The following MYBBP1A variants were observed in gnomAD, a reference collection of about 807,000 sequenced individuals.
MYBBP1A encodes the protein MYB binding protein 1a, also known as myb-binding protein 1A.
In MYBBP1A, 147 loss-of-function variants were observed where a neutral mutation model predicts 136.3. The observed-to-expected ratio is 1.08, with a 90% CI of 0.94 to 1.24. MYBBP1A has a LOEUF of 1.24. Ranked by LOEUF, MYBBP1A falls within the 50% of genes most tolerant of loss-of-function variation. MYBBP1A has a pLI of 0.00. For missense variants in MYBBP1A, 2,060 were observed against 1,727.4 expected (o/e 1.19, Z -3.41); for synonymous variants, 947 against 735.8 (o/e 1.29, Z -4.65).
At position 4,545,679 on chromosome 17, in the gene MYBBP1A, C is replaced by G. The variant is rs1309346947; in HGVS notation, c.2004G>C (p.Gln668His). The G allele has an allele frequency of 6.2e-7, 1 of 1,611,444 alleles. No homozygotes were observed. Among genetic ancestry groups the G allele is most frequent in the African/African-American group, 1.3e-5 (1 of 74,898 alleles). The change falls in exon 15 of 26, where the codon CAG becomes CAC. Residue 668 changes from glutamine to histidine, a missense_variant. Gln to His is a conservative substitution (Grantham distance 24). Coordinates refer to ENST00000254718, the MANE Select transcript of MYBBP1A (RefSeq NM_014520.4). ...LLAQPSHLMR[Q>H]VARSVFGHIC... ...TGTGGCCAAACACGCTCCGGGCCAC[C>G]TGGCGCATGAGGTGGCTGGGCTGGG... is the stretch of plus-strand genomic sequence containing the variant.
Position 4,539,096 on chromosome 17 carries a change from G to A in MYBBP1A, c.*319C>T, listed in dbSNP as rs1238770287. On this transcript the variant is annotated 3_prime_UTR_variant, in exon 26 of 26. Transcript: ENST00000254718. The stretch of plus-strand genomic sequence containing the variant: ...GGGCAAAGAGGTGGCAGGCACGAGA[G>A]ATGGTCACACCTGCCTGCAGCCAGC... 6.6e-7 allele frequency: 1 copy of A among 1,504,318 alleles called. No homozygotes were observed. The highest frequency in any genetic ancestry group is 1.9e-5 in the Admixed American group (1 of 53,870). The allele number at this position is 1,504,318 out of a possible 1,614,324, so 93.2% of individuals were successfully genotyped here. A position where few individuals can be genotyped will look rare whatever the true frequency, so the allele number is the denominator to read the frequency against.
rs1567600770 is a variant in MYBBP1A at position 4,539,328 on chromosome 17, TATTAAAATCATGG to T, written c.*74_*86del. The T allele has an allele frequency of 6.0e-6, 9 of 1,498,830 alleles. No homozygotes were observed. The Admixed American group carries it at 1.9e-4, about 31-fold the overall frequency. The allele number at this position is 1,498,830 out of a possible 1,614,324, so 92.8% of individuals were successfully genotyped here. On this transcript the variant is annotated 3_prime_UTR_variant, in exon 26 of 26. Coordinates refer to ENST00000254718, the MANE Select transcript of MYBBP1A (RefSeq NM_014520.4). ...GGCAGCGCCTTAGAAACAGCTTGCGTATTAAAATCATGGTTTAAAAAAAAAAAAAAAAAATAGG... is the reference window on the plus strand; with the variant it reads ...GGCAGCGCCTTAGAAACAGCTTGCGTTTTAAAAAAAAAAAAAAAAAATAGG...
chr17:4,554,131 G>A (rs1907796470), intron 3 of MYBBP1A, 38 bp from the exon 4 acceptor site: 9 of 1,613,532 alleles, frequency 5.6e-6, no homozygotes, highest in South Asian at 2.2e-5. Flanking sequence ...GAGGGGCCCT[G>A]GAACTCCCCA....
Position 4,549,940 on chromosome 17 carries a change from C to G in MYBBP1A, c.1319+118G>C, listed in dbSNP as rs962927658. 4 of 1,131,324 alleles carry G rather than the reference C, an allele frequency of 3.5e-6. No homozygotes were observed. In the African/African-American group the frequency reaches 4.7e-5, roughly 13 times the overall value. The allele number at this position is 1,131,324 out of a possible 1,614,324, so 70.1% of individuals were successfully genotyped here. On this transcript the variant is annotated intron_variant, in intron 9 of 25. Transcript: ENST00000254718. ...CATATGAGAGCTAAGGCTCTTCCCC[C>G]TCGCTCCTCTCATGGTTTAGAGCCA...
chr17:4,543,053 G>C lies in MYBBP1A; in HGVS notation c.2752C>G (p.Pro918Ala). ...VQQAGRQPDS[P>A]TALYHFNASL... ...GCGTTGAAGTGGTAGAGGGCGGTGGGGGAGTCGGGCTGGCGGCCAGCCTGC... is the reference window on the plus strand; with the variant it reads ...GCGTTGAAGTGGTAGAGGGCGGTGGCGGAGTCGGGCTGGCGGCCAGCCTGC... The change falls in exon 20 of 26, where the codon CCC becomes GCC. Residue 918 changes from proline to alanine, a missense_variant. Pro to Ala is a conservative substitution (Grantham distance 27, BLOSUM62 -1). Transcript: ENST00000254718. 1.9e-6 allele frequency: 3 copies of C among 1,613,532 alleles called. No homozygotes were observed. The highest frequency in any genetic ancestry group is 2.5e-6 in the Non-Finnish European group (3 of 1,179,948).
rs1332354204 is a variant in MYBBP1A at position 4,555,201 on chromosome 17, T to C, written c.124A>G (p.Ile42Val). The part of the protein sequence containing the change: ...SREFLDFFWD[I>V]AKPEQETRLA... Reference sequence around the variant, plus strand: ...CGCGTCTCCTGCTCAGGCTTCGCAATGTCCCAGAAGAAGTCCAAGAACTCG... The same window carrying C: ...CGCGTCTCCTGCTCAGGCTTCGCAACGTCCCAGAAGAAGTCCAAGAACTCG... Residue 42 changes from isoleucine (I) to valine (V), a missense_variant, in exon 1 of 26, where the codon ATT becomes GTT. By Grantham distance (29) the Ile-to-Val change is conservative. Transcript: ENST00000254718. 3 of 1,610,474 alleles carry C rather than the reference T, an allele frequency of 1.9e-6. No homozygotes were observed. Among genetic ancestry groups the C allele is most frequent in the African/African-American group, 2.7e-5 (2 of 74,914 alleles).
rs142989122 is a variant in MYBBP1A at position 4,540,465 on chromosome 17, G to A, written c.3317C>T (p.Thr1106Met). Residue 1106 changes from threonine to methionine, a missense_variant, in exon 25 of 26, where the codon ACG becomes ATG. Coordinates refer to ENST00000254718, the MANE Select transcript of MYBBP1A (RefSeq NM_014520.4). The stretch of plus-strand genomic sequence containing the variant: ...CCCCTGCAGCACACCCAGGAGCACC[G>A]TCAGGTCCAAGGTCAGCTTCTGCAG... ...CKHEKLTLDL[T>M]VLLGVLQGQQ... 4,029 of 1,610,076 alleles carry A rather than the reference G, an allele frequency of 2.5e-3. 12 individuals carry two copies. The highest frequency in any genetic ancestry group is 3.7e-3 in the Middle Eastern group (22 of 5,968).
Position 4,540,328 on chromosome 17 carries a change from G to T in MYBBP1A, c.3434+20C>A. The T allele has an allele frequency of 6.3e-7, 1 of 1,587,066 alleles. No homozygotes were observed. ...TTCCCAGCCCCTACCCAAGGTGTGT[G>T]TCCCCCTCCCAGAACCTACTGGACT... On this transcript the variant is annotated intron_variant, in intron 25 of 25. Transcript: ENST00000254718.
Position 4,548,788 on chromosome 17 carries a change from G to C in MYBBP1A, c.1431-139C>G. 3 of 1,202,116 alleles carry C rather than the reference G, an allele frequency of 2.5e-6. No individual in the cohort carries two copies. The highest frequency in any genetic ancestry group is 3.4e-6 in the Non-Finnish European group (3 of 871,184). 74.5% of individuals were successfully genotyped at this position (1,202,116 alleles called of 1,614,324 possible). ...TCTGCCCTGGGTACAGTCCTCGGGGGCCTGACGGGCAAGGCTGGAGGGGGC... is the reference window on the plus strand; with the variant it reads ...TCTGCCCTGGGTACAGTCCTCGGGGCCCTGACGGGCAAGGCTGGAGGGGGC... On this transcript the variant is annotated intron_variant, in intron 10 of 25. Transcript: ENST00000254718. This position sits in a 1 kb window ranked among gnomAD's most constrained non-coding sequence, Gnocchi z 4.2.
Position 4,548,147 on chromosome 17 carries a change from C to A in MYBBP1A, c.1720G>T (p.Asp574Tyr). ...PFTAQQRQAW[D>Y]RMLQTLKELE... Reference sequence around the variant, plus strand: ...CTGGAAATCCCACGTGCTCACCGGTCCCAGGCCTGGCGCTGCTGCGCAGTG... The same window carrying A: ...CTGGAAATCCCACGTGCTCACCGGTACCAGGCCTGGCGCTGCTGCGCAGTG... The change falls in exon 12 of 26, where the codon GAC becomes TAC. Residue 574 changes from aspartate (D) to tyrosine (Y), a missense_variant. Transcript: ENST00000254718. This position sits in a 1 kb window ranked among gnomAD's most constrained non-coding sequence, Gnocchi z 4.2. 1 of 1,604,886 alleles carries A rather than the reference C, an allele frequency of 6.2e-7. No individual in the cohort carries two copies. Among genetic ancestry groups the A allele is most frequent in the Non-Finnish European group, 8.5e-7 (1 of 1,179,944 alleles).
chr17:4,554,432 AC>A (rs1207593469), intron 2 of MYBBP1A, among the ~76,000 whole-genome samples, 154 bp from the exon 3 acceptor site: 2 of 151,972 alleles, frequency 1.3e-5, no homozygotes, highest in Non-Finnish European at 2.9e-5. Flanking sequence ...CCCCTAGATT[AC>A]TAGTCTGAAA....
rs149778655 is a variant in MYBBP1A at position 4,539,941 on chromosome 17, G to C, written c.3461C>G (p.Ala1154Gly). The C allele has an allele frequency of 1.9e-4, 296 of 1,598,944 alleles. No homozygotes were observed. The highest frequency in any genetic ancestry group is 2.3e-4 in the Non-Finnish European group (273 of 1,179,718). ...CTGGGTGGCACTGGGGATCTCCTTG[G>C]CATCCTTCTTCTCCAACTTGGGGCG... is the stretch of plus-strand genomic sequence containing the variant. The part of the protein sequence containing the change: ...VQRPKLEKKD[A>G]KEIPSATQSP... The change falls in exon 26 of 26, where the codon GCC (alanine) becomes GGC (glycine). Residue 1154 changes from alanine to glycine, a missense_variant. Ala to Gly is a moderately conservative substitution (Grantham distance 60, BLOSUM62 0). Transcript: ENST00000254718.
chr17:4,542,011 G>T, intron 22 of MYBBP1A, 120 bp from the exon 23 acceptor site: 1 of 697,408 alleles, frequency 1.4e-6, no homozygotes, highest in Non-Finnish European at 2.4e-6. Flanking sequence ...GAGGCTGCCT[G>T]CTGCTCTGGG....
intron 22 of MYBBP1A, chr17:4,542,143 TCCTC>T (rs1906492476): frequency 3.4e-6 from 2 of 582,742 alleles, no homozygotes; most frequent in South Asian, 4.3e-5. Context: ...AGTGCCATCT[TCCTC>T]CAGCCTGCCC....
At chr17:4,544,697 C>A (rs770384602) in intron 18 of MYBBP1A, 51 bp from the exon 19 acceptor site, 4 of 292,092 alleles carry the variant, frequency 1.4e-5, no homozygotes, top group East Asian at 1.1e-4. Context: ...CACAGGGAGG[C>A]GGGGGTGGGC....
Position 4,545,354 on chromosome 17 carries a change from G to A in MYBBP1A, c.2074-9C>T, listed in dbSNP as rs1046171307. On this transcript the variant is annotated splice_polypyrimidine_tract_variant and intron_variant, in intron 15 of 25. Coordinates refer to ENST00000254718, the MANE Select transcript of MYBBP1A (RefSeq NM_014520.4). ...GTCTCGGGGTTCAGCACCTGGGGAG[G>A]GGTGCCAGCCACTGACCCATTTGCA... The A allele has an allele frequency of 6.2e-7, 1 of 1,612,652 alleles. No individual in the cohort carries two copies.
In MYBBP1A at chr17:4,548,531, A is replaced by C. The variant is rs142595127; in HGVS notation, c.1549T>G (p.Phe517Val). Residue 517 changes from phenylalanine (F) to valine (V), a missense_variant, in exon 11 of 26, where the codon TTC becomes GTC. By Grantham distance (50) the Phe-to-Val change is conservative (BLOSUM62 -1). Coordinates refer to ENST00000254718, the MANE Select transcript of MYBBP1A (RefSeq NM_014520.4). This position sits in a 1 kb window ranked among gnomAD's most constrained non-coding sequence, Gnocchi z 4.2. ...NQAREAVSSA[F>V]FSLLQTLSTQ... Reference sequence around the variant, plus strand: ...GGGCTGCCCAAGACTCACCTGAAGAAGGCACTGCTGACAGCCTCTCGGGCC... The same window carrying C: ...GGGCTGCCCAAGACTCACCTGAAGACGGCACTGCTGACAGCCTCTCGGGCC... 86 of 1,614,088 alleles carry C rather than the reference A, an allele frequency of 5.3e-5. No individual in the cohort carries two copies. In the African/African-American group the frequency reaches 1.0e-3, roughly 19 times the overall value.
chr17:4,542,337 T>G, intron 22 of MYBBP1A, 127 bp downstream of exon 22: 1 of 1,101,904 alleles, frequency 9.1e-7, no homozygotes, highest in Non-Finnish European at 1.3e-6. Flanking sequence ...GCCAAGCCAG[T>G]GGGGCAGGGA....
chr17:4,539,687 TG>T lies in MYBBP1A; in HGVS notation c.3714del (p.Thr1239ProfsTer23). ...TTGGCAGGGGTGCTGGGGCTCCGGG[TG>T]GGGGCGCCAGGGGCTGGACTCTTGG... ...PTTKSPAPGA[P>X]TRSPSTPAKS... On this transcript the variant is annotated frameshift_variant, in exon 26 of 26. Transcript: ENST00000254718. LOFTEE classifies it low-confidence loss of function (END_TRUNC). 1 of 1,607,058 alleles carries T rather than the reference TG, an allele frequency of 6.2e-7. No homozygotes were observed. The highest frequency in any genetic ancestry group is 8.5e-7 in the Non-Finnish European group (1 of 1,175,742).
Sources: allele counts gnomAD v4.1 joint callset (sites outside exome capture counted in the v4.1 genomes callset), GRCh38; gene constraint gnomAD v4.1.1; non-coding constraint Gnocchi (gnomAD v3.1); transcripts MANE v1.5; gene names NCBI Gene and HGNC (gene_info 2026-07-23, HGNC 2026-07-21).